VPS13D: variants seen among roughly 807,000 people sequenced by gnomAD.
VPS13D encodes intermembrane lipid transfer protein VPS13D.
VPS13D carries 187 observed loss-of-function variants against 461.9 expected under a neutral mutation model. The ratio of observed to expected loss-of-function variants is 0.40; its 90% CI spans 0.36 to 0.46. VPS13D has a LOEUF of 0.46. Ranked by LOEUF, VPS13D falls within the 20% of genes least tolerant of loss-of-function variation. VPS13D has a pLI of 0.60. For synonymous variants in VPS13D, 1,951 were observed against 1,986.3 expected, an observed-to-expected ratio of 0.98 and a Z score of 0.47; for missense variants, 4,711 against 5,364.9, an observed-to-expected ratio of 0.88 and a Z score of 3.81.
intron 1 of VPS13D, among the ~76,000 whole-genome samples, chr1:12,232,610 T>C (rs980830154): frequency 2.0e-5 from 3 of 151,960 alleles, no homozygotes; most frequent in Admixed American, 2.0e-4. Context: ...TTCCCTCATG[T>C]TGACTTTTTG....
chr1:12,283,341 CG>C lies in VPS13D; in HGVS notation c.5241del (p.Lys1749SerfsTer12). Reference protein sequence around the residue: ...QLYQRPTSASRKKQKEVQDKD... With the variant: ...QLYQRPTSASXKKQKEVQDKD... ...GTATCAAAGGCCCACCTCTGCGTCC[CG>C]GAAAAAGCAAAAGGAAGTCCAAGAC... On this transcript the variant is annotated frameshift_variant, in exon 21 of 70. Coordinates refer to ENST00000620676, the MANE Select transcript of VPS13D (RefSeq NM_015378.4). LOFTEE classifies it high-confidence loss of function. 1 of 1,614,116 alleles carries C rather than the reference CG, an allele frequency of 6.2e-7. No homozygotes were observed. Among genetic ancestry groups the C allele is most frequent in the Non-Finnish European group, 8.5e-7 (1 of 1,180,032 alleles).
intron 21 of VPS13D, among the ~76,000 whole-genome samples, chr1:12,284,828 G>A (rs1446038079): frequency 6.6e-6 from 1 of 152,200 alleles, no homozygotes; most frequent in Non-Finnish European, 1.5e-5. Context: ...GAAAGGACCA[G>A]CTTACCTTTC....
At position 12,327,724 on chromosome 1, in the gene VPS13D, C is replaced by G; in HGVS notation, c.8067C>G (p.Ser2689Arg). 6.2e-7 allele frequency: 1 copy of G among 1,614,176 alleles called. No individual in the cohort carries two copies. The highest frequency in any genetic ancestry group is 8.5e-7 in the Non-Finnish European group (1 of 1,180,036). ...AGTCTCTTTCCTTGGCCTCCACCAG[C>G]CGAGATAGCCCAGGGGCTGTGGCAG... ...PLKSLSLAST[S>R]RDSPGAVAAP... The change falls in exon 36 of 70, where the codon AGC becomes AGG. Residue 2689 changes from serine to arginine, a missense_variant. Transcript: ENST00000620676.
intron 65 of VPS13D, among the ~76,000 whole-genome samples, chr1:12,455,146 A>G (rs947916607): frequency 6.6e-6 from 1 of 152,220 alleles, no homozygotes; most frequent in African/African-American, 2.4e-5. Context: ...GCCACCTCCT[A>G]TGAACGGTGA....
chr1:12,366,760 A>G (rs904645641), intron 52 of VPS13D, among the ~76,000 whole-genome samples: 1 of 152,242 alleles, frequency 6.6e-6, no homozygotes, highest in African/African-American at 2.4e-5. Flanking sequence ...TAGTAAATGA[A>G]TATCCCTATA....
intron 46 of VPS13D, among the ~76,000 whole-genome samples, chr1:12,353,067 C>G (rs976714393): frequency 7.2e-6 from 1 of 138,630 alleles, no homozygotes; most frequent in African/African-American, 2.7e-5. Context: ...AATACTTGTA[C>G]AAGAATGTTC....
chr1:12,356,083 C>T lies in VPS13D; in HGVS notation c.9864C>T (p.Asn3288=). The T allele has an allele frequency of 1.9e-6, 3 of 1,609,140 alleles. No individual in the cohort carries two copies. The highest frequency in any genetic ancestry group is 2.5e-6 in the Non-Finnish European group (3 of 1,177,000). Residue 3288 remains asparagine, a synonymous_variant, in exon 48 of 70, where the codon AAC becomes AAT. Coordinates refer to ENST00000620676, the MANE Select transcript of VPS13D (RefSeq NM_015378.4). ...IFISAPYWLI[N]KTGLPLIFRQ... is the part of the protein sequence containing the mutation. ...TTTCTGCTCCATATTGGCTGATTAA[C>T]AAAACAGGTACATACAGGGGCTGCT...
chr1:12,470,072 G>A (rs1645542495), intron 67 of VPS13D, among the ~76,000 whole-genome samples: 1 of 152,228 alleles, frequency 6.6e-6, no homozygotes, highest in Non-Finnish European at 1.5e-5. Flanking sequence ...CAGTTGTTCT[G>A]TGTTAACACC....
rs1195171028 is a variant in VPS13D at position 12,511,850 on chromosome 1, AGGGCCACTTTGTTTGTAAGTATGATCT to A, written c.*2832_*2858del. ...CTCATCGCAATGTTCTGAAGGCTCC[AGGGCCACTTTGTTTGTAAGTATGATCT>A]GGGCCTCAAAATACCATAGTAGCTG... is the stretch of plus-strand genomic sequence containing the variant. On this transcript the variant is annotated 3_prime_UTR_variant, in exon 70 of 70. Transcript: ENST00000620676. This position sits in a 1 kb window ranked among gnomAD's most constrained non-coding sequence, Gnocchi z 4.5. 1 of 152,228 alleles carries A rather than the reference AGGGCCACTTTGTTTGTAAGTATGATCT, an allele frequency of 6.6e-6. No homozygotes were observed. The highest frequency in any genetic ancestry group is 6.5e-5 in the Admixed American group (1 of 15,288). The allele number at this position is 152,228 out of a possible 1,614,324, so 9.4% of individuals were successfully genotyped here. A position where few individuals can be genotyped will look rare whatever the true frequency, so the allele number is the denominator to read the frequency against.
intron 59 of VPS13D, 67 bp from the exon 60 acceptor site, chr1:12,386,118 A>T (rs1644348011): frequency 3.4e-6 from 5 of 1,489,160 alleles, no homozygotes; most frequent in Middle Eastern, 3.6e-4. Flanking sequence ...TTATTTTCTT[A>T]TACTCTCCTG....
At chr1:12,482,775 GTATACATAGTATACATATATA>G (rs1182406981) in intron 67 of VPS13D, among the ~76,000 whole-genome samples, 3 of 145,068 alleles carry the variant, frequency 2.1e-5, no homozygotes, top group Non-Finnish European at 3.0e-5. Context: ...ATACATATAT[GTATACATAGTATACATATATA>G]TATACTAGTA....
chr1:12,415,472 A>G (rs1644782165), intron 64 of VPS13D, among the ~76,000 whole-genome samples: 1 of 152,154 alleles, frequency 6.6e-6, no homozygotes, highest in Non-Finnish European at 1.5e-5. Context: ...TAGATTAATC[A>G]TGACTCTTAA....
Position 12,299,510 on chromosome 1 carries a change from AT to A in VPS13D, c.6216+134del, listed in dbSNP as rs533560195. ...TTTTGTAGGGTATGTGGCTTGAAGA[AT>A]TTTTTTTGGCATTTTATTGATATTT... On this transcript the variant is annotated intron_variant, in intron 25 of 69. Coordinates refer to ENST00000620676, the MANE Select transcript of VPS13D (RefSeq NM_015378.4). The surrounding 1 kb of genome is among the most constrained non-coding windows in gnomAD (Gnocchi z 4.2). The A allele has an allele frequency of 1.7e-3, 1,854 of 1,071,370 alleles. 22 individuals carry two copies. Among genetic ancestry groups the A allele is most frequent in the South Asian group, 1.0e-3 (46 of 45,190 alleles). The allele number at this position is 1,071,370 out of a possible 1,614,324, so 66.4% of individuals were successfully genotyped here. A position where few individuals can be genotyped will look rare whatever the true frequency, so the allele number is the denominator to read the frequency against.
chr1:12,355,923 T>C lies in VPS13D; in HGVS notation c.9704T>C (p.Leu3235Pro), dbSNP rs1262580559. 2.5e-6 allele frequency: 4 copies of C among 1,595,746 alleles called. No homozygotes were observed. Among genetic ancestry groups the C allele is most frequent in the Non-Finnish European group, 3.4e-6 (4 of 1,167,720 alleles). Residue 3235 changes from leucine to proline, a missense_variant, in exon 48 of 70, where the codon CTC becomes CCC. By Grantham distance (98) the Leu-to-Pro change is moderately conservative. Around this residue, in one of 3 missense-constraint regions of VPS13D, gnomAD observed 4,411 missense variants for 4,937.8 expected, o/e 0.89. Transcript: ENST00000620676. Reference sequence around the variant, plus strand: ...GGGGTATCACTGGAGAATTTCCCCCTCTGTAAAGAATTGCTCATTCCACCT... The same window carrying C: ...GGGGTATCACTGGAGAATTTCCCCCCCTGTAAAGAATTGCTCATTCCACCT... ...ELGVSLENFP[L>P]CKELLIPPGT...
intron 65 of VPS13D, among the ~76,000 whole-genome samples, chr1:12,440,532 G>A (rs576055550): frequency 1.3e-5 from 2 of 152,340 alleles, no homozygotes; most frequent in Admixed American, 1.3e-4. Context: ...CAAGAGCACA[G>A]AAGAAGGGTT....
intron 13 of VPS13D, among the ~76,000 whole-genome samples, chr1:12,263,200 C>T (rs78397324): frequency 0.02 from 2,983 of 152,194 alleles, 94 homozygotes; most frequent in East Asian, 0.13. Context: ...CACTAGGCAG[C>T]GTTTTAGCAC....
chr1:12,268,637 T>G (rs1414416515), intron 15 of VPS13D, 69 bp from the exon 16 acceptor site: 5 of 1,499,322 alleles, frequency 3.3e-6, no homozygotes, highest in Non-Finnish European at 4.5e-6. Context: ...CCAGAATCCC[T>G]CACAGGTCTG....
Position 12,277,467 on chromosome 1 carries a change from T to C in VPS13D, c.3879T>C (p.Tyr1293=). 6.2e-7 allele frequency: 1 copy of C among 1,614,188 alleles called. No individual in the cohort carries two copies. Among genetic ancestry groups the C allele is most frequent in the Non-Finnish European group, 8.5e-7 (1 of 1,180,034 alleles). ...FLNLKMASLH[Y]NHSAKFLKEL... is the part of the protein sequence containing the mutation. Reference sequence around the variant, plus strand: ...ACCTGAAGATGGCTTCTTTACATTATAACCACTCTGCTAAGTTTTTGAAGG... The same window carrying C: ...ACCTGAAGATGGCTTCTTTACATTACAACCACTCTGCTAAGTTTTTGAAGG... The change falls in exon 19 of 70, where the codon TAT becomes TAC. Residue 1293 remains tyrosine (Y), a synonymous_variant. Coordinates refer to ENST00000620676, the MANE Select transcript of VPS13D (RefSeq NM_015378.4).
chr1:12,304,549 G>A lies in VPS13D; in HGVS notation c.6260G>A (p.Ser2087Asn). The change falls in exon 26 of 70, where the codon AGT becomes AAT. Residue 2087 changes from serine (S) to asparagine (N), a missense_variant. Coordinates refer to ENST00000620676, the MANE Select transcript of VPS13D (RefSeq NM_015378.4). The part of the protein sequence containing the change: ...SASPTGIPKH[S>N]LRKTTSTEEP... ...TCCCCAACGGGTATTCCCAAACACA[G>A]TCTGAGGAAAACGACAAGCACGGAG... The A allele has an allele frequency of 6.2e-7, 1 of 1,614,092 alleles. No individual in the cohort carries two copies. Among genetic ancestry groups the A allele is most frequent in the Non-Finnish European group, 8.5e-7 (1 of 1,180,020 alleles).
Sources: gnomAD v4.1 joint callset for allele counts (sites outside exome capture counted in the v4.1 genomes callset) on GRCh38, gnomAD v4.1.1 for gene constraint, gnomAD v4.1.1 regional missense constraint, Gnocchi (gnomAD v3.1) non-coding constraint, MANE v1.5 for transcripts, NCBI Gene and HGNC (gene_info 2026-07-23, HGNC 2026-07-21) for gene names.